Variants in CMKLR1 observed in about 807,000 individuals in gnomAD.
The protein encoded by CMKLR1 is chemerin-like receptor 1.
CMKLR1 carries 6 observed loss-of-function variants against 8.2 expected under a neutral mutation model. The ratio of observed to expected loss-of-function variants is 0.73; its 90% CI spans 0.40 to 1.44. CMKLR1 has a LOEUF of 1.44. Ranked by LOEUF, CMKLR1 falls within the 40% of genes most tolerant of loss-of-function variation. The pLI, the probability that CMKLR1 is intolerant of heterozygous loss-of-function variation, is 0.02. For synonymous variants in CMKLR1, 178 were observed against 181.2 expected, an observed-to-expected ratio of 0.98 and a Z score of 0.14; for missense variants, 429 against 478.0, an observed-to-expected ratio of 0.90 and a Z score of 0.96.
intron 2 of CMKLR1, among the ~76,000 whole-genome samples, chr12:108,305,525 C>G (rs1891385044): frequency 6.6e-6 from 1 of 152,184 alleles, no homozygotes. Context: ...CTGGGCCAGT[C>G]CATTCACCAG....
chr12:108,336,063 C>T (rs1033045742), intron 1 of CMKLR1, among the ~76,000 whole-genome samples: 3 of 152,110 alleles, frequency 2.0e-5, no homozygotes, highest in Non-Finnish European at 4.4e-5. Context: ...AAAAAAGAAA[C>T]CTTATTGTGC....
At chr12:108,326,131 C>T (rs1257913587) in intron 2 of CMKLR1, among the ~76,000 whole-genome samples, 1 of 152,086 alleles carries the variant, frequency 6.6e-6, no homozygotes, top group Admixed American at 6.6e-5. Flanking sequence ...ATTCTGTCTA[C>T]AAGAAAAGGG....
intron 2 of CMKLR1, among the ~76,000 whole-genome samples, chr12:108,318,734 G>C (rs749775655): frequency 8.5e-5 from 13 of 152,158 alleles, no homozygotes; most frequent in African/African-American, 2.4e-4. Context: ...TGTGGTCCCT[G>C]ATCCCATAGC....
At chr12:108,321,266 T>C (rs769704790) in intron 2 of CMKLR1, among the ~76,000 whole-genome samples, 2 of 152,016 alleles carry the variant, frequency 1.3e-5, no homozygotes, top group Non-Finnish European at 2.9e-5. Context: ...AAAACCTCAC[T>C]CATACAAAAA....
At chr12:108,314,935 T>TTTG (rs1891679439) in intron 2 of CMKLR1, among the ~76,000 whole-genome samples, 2 of 87,974 alleles carry the variant, frequency 2.3e-5, no homozygotes, top group African/African-American at 1.4e-4. Flanking sequence ...CACAGCCTTG[T>TTTG]TTTTTTTTTT....
chr12:108,322,149 G>GA (rs1286477866), intron 2 of CMKLR1, among the ~76,000 whole-genome samples: 1 of 152,210 alleles, frequency 6.6e-6, no homozygotes, highest in African/African-American at 2.4e-5. Context: ...AAATGTGGAG[G>GA]GAGAAGTGGT....
chr12:108,290,581 G>A lies in CMKLR1; in HGVS notation c.*1260C>T, dbSNP rs1216378144. The A allele has an allele frequency of 1.3e-5, 2 of 152,222 alleles. No individual in the cohort carries two copies. The highest frequency in any genetic ancestry group is 2.4e-5 in the African/African-American group (1 of 41,448). The allele number at this position is 152,222 out of a possible 1,614,324, so 9.4% of individuals were successfully genotyped here. A position where few individuals can be genotyped will look rare whatever the true frequency, so the allele number is the denominator to read the frequency against. On this transcript the variant is annotated 3_prime_UTR_variant, in exon 4 of 4. Transcript: ENST00000550402. ...CTTAACTCTGCCACTGATTAGCTGT[G>A]TGATGCTGGGCAAGTTACTTTCCCC...
intron 1 of CMKLR1, among the ~76,000 whole-genome samples, chr12:108,331,754 C>T (rs1442360081): frequency 6.6e-6 from 1 of 152,112 alleles, no homozygotes; most frequent in African/African-American, 2.4e-5. Flanking sequence ...CGGTTGCTGG[C>T]TTTGAAGGCT....
intron 2 of CMKLR1, among the ~76,000 whole-genome samples, chr12:108,310,027 A>G (rs1260903833): frequency 1.3e-5 from 2 of 152,120 alleles, no homozygotes; most frequent in African/African-American, 4.8e-5. Flanking sequence ...AGGGCTGGGG[A>G]AATCAGGGGA....
intron 2 of CMKLR1, among the ~76,000 whole-genome samples, chr12:108,300,662 G>A (rs545576954): frequency 3.9e-5 from 6 of 152,122 alleles, no homozygotes; most frequent in Admixed American, 2.0e-4. Flanking sequence ...TGAGCTGTGC[G>A]ACCCTGGGCA....
chr12:108,319,990 A>G (rs11113816), intron 2 of CMKLR1, among the ~76,000 whole-genome samples: 42 of 152,254 alleles, frequency 2.8e-4, no homozygotes, highest in Non-Finnish European at 5.6e-4. Context: ...AGGTAAGAGC[A>G]ACAGACGATG....
At chr12:108,337,673 G>C (rs917108289) in intron 1 of CMKLR1, among the ~76,000 whole-genome samples, 3 of 152,132 alleles carry the variant, frequency 2.0e-5, no homozygotes, top group Non-Finnish European at 4.4e-5. Flanking sequence ...CTTGCCCAAA[G>C]TTAAGGTTAT....
At chr12:108,336,760 A>T (rs542759627) in intron 1 of CMKLR1, among the ~76,000 whole-genome samples, 1 of 152,362 alleles carries the variant, frequency 6.6e-6, no homozygotes, top group South Asian at 2.1e-4. Flanking sequence ...GAAATCAATA[A>T]TAATTTCCAT....
intron 2 of CMKLR1, among the ~76,000 whole-genome samples, chr12:108,319,150 C>T (rs942577998): frequency 5.9e-5 from 9 of 152,228 alleles, no homozygotes; most frequent in African/African-American, 1.2e-4. Context: ...CTGGCCATGA[C>T]GTCTCTGCTG....
At chr12:108,323,346 A>AT (rs767113223) in intron 2 of CMKLR1, among the ~76,000 whole-genome samples, 2 of 61,766 alleles carry the variant, frequency 3.2e-5, no homozygotes, top group South Asian at 4.5e-4. Context: ...TTTTTATTTT[A>AT]TTTATTTATT....
chr12:108,333,701 C>G (rs1593181903), intron 1 of CMKLR1, among the ~76,000 whole-genome samples: 3 of 152,298 alleles, frequency 2.0e-5, no homozygotes, highest in African/African-American at 4.8e-5. Flanking sequence ...CTCTGGAGCA[C>G]TTGGATCTGG....
chr12:108,309,405 A>G (rs1481277761), intron 2 of CMKLR1, among the ~76,000 whole-genome samples: 1 of 152,146 alleles, frequency 6.6e-6, no homozygotes, highest in Non-Finnish European at 1.5e-5. Context: ...GCTGTGGAAG[A>G]GCATGGTAGG....
In CMKLR1 at chr12:108,290,052, A is replaced by G. The variant is rs1890918622; in HGVS notation, c.*1789T>C. The G allele has an allele frequency of 6.6e-6, 1 of 152,266 alleles. No homozygotes were observed. Among genetic ancestry groups the G allele is most frequent in the Non-Finnish European group, 1.5e-5 (1 of 68,040 alleles). 9.4% of individuals were successfully genotyped at this position (152,266 alleles called of 1,614,324 possible). On this transcript the variant is annotated 3_prime_UTR_variant, in exon 4 of 4. Transcript: ENST00000550402. ...CCCCATTGCCTTGATCTCTGGAGACATAGGAGGTGGGAGCCACGGTAGGAG... is the reference window on the plus strand; with the variant it reads ...CCCCATTGCCTTGATCTCTGGAGACGTAGGAGGTGGGAGCCACGGTAGGAG...
At chr12:108,317,013 A>T (rs1456574842) in intron 2 of CMKLR1, among the ~76,000 whole-genome samples, 11 of 152,128 alleles carry the variant, frequency 7.2e-5, no homozygotes, top group Non-Finnish European at 1.0e-4. Flanking sequence ...ATGTTGGCCA[A>T]GCTGGTCTCC....
Sources: gnomAD v4.1 joint callset for allele counts (sites outside exome capture counted in the v4.1 genomes callset) on GRCh38, gnomAD v4.1.1 for gene constraint, MANE v1.5 for transcripts, NCBI Gene and HGNC (gene_info 2026-07-23, HGNC 2026-07-21) for gene names.